Variants in DHRSX observed in about 807,000 individuals in gnomAD.
The protein encoded by DHRSX is dehydrogenase/reductase X-linked, also known as polyprenol dehydrogenase.
A neutral mutation model predicts 34.0 loss-of-function variants in DHRSX; 31 were observed. That is an observed-to-expected ratio of 0.91 (90% confidence interval 0.69 to 1.23). The LOEUF (loss-of-function observed/expected upper bound fraction) is 1.23, where lower values mean the gene tolerates loss of function less well. Ranked by LOEUF, DHRSX falls within the 50% of genes most tolerant of loss-of-function variation. The pLI is 0.00. For missense variants in DHRSX, 414 were observed against 428.1 expected, an observed-to-expected ratio of 0.97 and a Z score of 0.29; for synonymous variants, 201 against 183.8, an observed-to-expected ratio of 1.09 and a Z score of -0.76.
rs758900455 is a variant in DHRSX at position 2,266,855 on chromosome X, G to A, written c.481C>T (p.Leu161Phe). The A allele has an allele frequency of 1.9e-6, 3 of 1,613,990 alleles. No individual in the cohort carries two copies. Among genetic ancestry groups the A allele is most frequent in the Non-Finnish European group, 1.7e-6 (2 of 1,179,870 alleles). ...GACTCTTTCAGCGTATCCAAGAGAAGGTTGGTCAGCAGGAAGTGCCCTAGG... is the reference window on the plus strand; with the variant it reads ...GACTCTTTCAGCGTATCCAAGAGAAAGTTGGTCAGCAGGAAGTGCCCTAGG... The part of the protein sequence containing the change: ...NYLGHFLLTN[L>F]LLDTLKESGS... The change falls in exon 5 of 7, where the codon CTT (leucine) becomes TTT (phenylalanine). Residue 161 changes from leucine to phenylalanine, a missense_variant. Physicochemically the swap from Leu to Phe is conservative, Grantham distance 22. Transcript: ENST00000334651.
chrX:2,500,895 G>T lies in DHRSX; in HGVS notation c.31C>A (p.Leu11Met). MSPLSAARAA[L>M]RVYAVGAAVI... ...GCGGCGCCTACCGCGTAGACCCGCA[G>T]GGCCGCCCGCGCCGCAGACAATGGC... The change falls in exon 1 of 7, where the codon CTG (leucine) becomes ATG (methionine). Residue 11 changes from leucine to methionine, a missense_variant. Leu to Met is a conservative substitution (Grantham distance 15, BLOSUM62 2). Coordinates refer to ENST00000334651, the MANE Select transcript of DHRSX (RefSeq NM_145177.3). 2 of 1,133,394 alleles carry T rather than the reference G, an allele frequency of 1.8e-6. No individual in the cohort carries two copies. Among genetic ancestry groups the T allele is most frequent in the South Asian group, 3.2e-5 (1 of 31,014 alleles). The allele number at this position is 1,133,394 out of a possible 1,614,324, so 70.2% of individuals were successfully genotyped here.
At chrX:2,478,090 A>G (rs184694331) in intron 1 of DHRSX, among the ~76,000 whole-genome samples, 3 of 152,358 alleles carry the variant, frequency 2.0e-5, no homozygotes, top group Non-Finnish European at 2.9e-5. Flanking sequence ...CTGCAGTTCC[A>G]GAAAGCAAAT....
intron 2 of DHRSX, among the ~76,000 whole-genome samples, chrX:2,419,579 C>A (rs1050173140): frequency 2.0e-5 from 3 of 152,048 alleles, no homozygotes; most frequent in Middle Eastern, 3.2e-3. Context: ...AAATGTCCAA[C>A]AACGATAGAC....
At chrX:2,244,822 C>T (rs2016239619) in intron 5 of DHRSX, among the ~76,000 whole-genome samples, 1 of 152,028 alleles carries the variant, frequency 6.6e-6, no homozygotes, top group Non-Finnish European at 1.5e-5. Flanking sequence ...AGTCATTCTC[C>T]TGCCTCAGCC....
chrX:2,272,798 C>G (rs1408943925), intron 4 of DHRSX, among the ~76,000 whole-genome samples: 3 of 152,176 alleles, frequency 2.0e-5, no homozygotes, highest in African/African-American at 7.2e-5. Context: ...TGCAGCCCCA[C>G]AGGAGACCCC....
intron 1 of DHRSX, among the ~76,000 whole-genome samples, chrX:2,473,301 T>G (rs1169531741): frequency 6.6e-6 from 1 of 152,064 alleles, no homozygotes; most frequent in African/African-American, 2.4e-5. Context: ...AAACAGTTTA[T>G]CTGCGAGTTT....
intron 2 of DHRSX, among the ~76,000 whole-genome samples, chrX:2,423,207 G>A (rs1228489352): frequency 6.6e-6 from 1 of 150,680 alleles, no homozygotes; most frequent in Non-Finnish European, 1.5e-5. Context: ...GAGGTCAGGA[G>A]TTCAAGACCA....
chrX:2,350,664 C>T (rs936758003), intron 3 of DHRSX, among the ~76,000 whole-genome samples: 1 of 152,132 alleles, frequency 6.6e-6, no homozygotes, highest in African/African-American at 2.4e-5. Flanking sequence ...TACAACTGTG[C>T]ACACCACAGC....
intron 3 of DHRSX, among the ~76,000 whole-genome samples, chrX:2,385,351 T>G (rs955495156): frequency 6.6e-6 from 1 of 152,028 alleles, no homozygotes; most frequent in Non-Finnish European, 1.5e-5. Flanking sequence ...AAAAGATGCA[T>G]GCTTTATTGT....
In DHRSX at chrX:2,251,724, G is replaced by C. The variant is rs139313928; in HGVS notation, c.597-8494C>G. 7.9e-3 allele frequency among the ~76,000 whole-genome samples: 1,201 copies of C among 152,258 alleles called. 8 individuals are homozygous for C. Among genetic ancestry groups the C allele is most frequent in the African/African-American group, 0.025 (1,037 of 41,546 alleles). On this transcript the variant is annotated intron_variant, in intron 5 of 6. Coordinates refer to ENST00000334651, the MANE Select transcript of DHRSX (RefSeq NM_145177.3). ...AAGTGCTATTTCTTTATGGCACTGG[G>C]GAACAAGCATTTCAAACAGACCTGA...
At chrX:2,444,336 A>T (rs982960628) in intron 1 of DHRSX, among the ~76,000 whole-genome samples, 1 of 152,200 alleles carries the variant, frequency 6.6e-6, no homozygotes, top group African/African-American at 2.4e-5. Context: ...ATTTATATTC[A>T]GTAACAGGTA....
chrX:2,371,024 C>A (rs1157131221), intron 3 of DHRSX, among the ~76,000 whole-genome samples: 1 of 152,060 alleles, frequency 6.6e-6, no homozygotes, highest in African/African-American at 2.4e-5. Context: ...GATGTCACTG[C>A]TCGGGTGTGC....
chrX:2,292,906 C>T (rs1569484641), intron 3 of DHRSX, among the ~76,000 whole-genome samples: 10 of 152,198 alleles, frequency 6.6e-5, no homozygotes. Flanking sequence ...GCAAGGACTT[C>T]CTTCTTCTGC....
chrX:2,320,380 C>CA (rs1399541790), intron 3 of DHRSX, among the ~76,000 whole-genome samples: 1 of 147,124 alleles, frequency 6.8e-6, no homozygotes, highest in African/African-American at 2.5e-5. Flanking sequence ...CTGCAACCTC[C>CA]ACCTCCCAGG....
At chrX:2,475,638 G>A (rs958193154) in intron 1 of DHRSX, among the ~76,000 whole-genome samples, 1 of 151,700 alleles carries the variant, frequency 6.6e-6, no homozygotes, top group African/African-American at 2.4e-5. Context: ...TAAGCATACA[G>A]CCAAGGGACT....
At chrX:2,428,157 T>C (rs1186603493) in intron 1 of DHRSX, among the ~76,000 whole-genome samples, 3 of 152,326 alleles carry the variant, frequency 2.0e-5, no homozygotes, top group East Asian at 1.9e-4. Context: ...TTGGCTACCA[T>C]GTACGTTATT....
intron 3 of DHRSX, among the ~76,000 whole-genome samples, chrX:2,338,837 C>T (rs1052028008): frequency 4.0e-5 from 6 of 151,894 alleles, no homozygotes; most frequent in African/African-American, 1.2e-4. Flanking sequence ...GACACAAAAC[C>T]GACGAAGACA....
chrX:2,289,451 T>C (rs1197904523), intron 4 of DHRSX, among the ~76,000 whole-genome samples: 1 of 152,122 alleles, frequency 6.6e-6, no homozygotes, highest in Non-Finnish European at 1.5e-5. Context: ...TACTGGTGGA[T>C]GCAAGCCCAT....
intron 3 of DHRSX, among the ~76,000 whole-genome samples, chrX:2,293,130 C>A (rs1346506586): frequency 6.6e-6 from 1 of 152,118 alleles, no homozygotes; most frequent in African/African-American, 2.4e-5. Context: ...AGCTTTATAA[C>A]ATCACATAGG....
Sources: gnomAD v4.1 joint callset for allele counts (sites outside exome capture counted in the v4.1 genomes callset) on GRCh38, gnomAD v4.1.1 for gene constraint, MANE v1.5 for transcripts, NCBI Gene and HGNC (gene_info 2026-07-23, HGNC 2026-07-21) for gene names.